The following PHF20L1 variants were observed in gnomAD, a reference collection of about 807,000 sequenced individuals.
The protein encoded by PHF20L1 is PHD finger protein 20-like protein 1.
A neutral mutation model predicts 125.5 loss-of-function variants in PHF20L1; 44 were observed. The observed-to-expected ratio is 0.35, with a 90% CI of 0.28 to 0.45. The LOEUF is 0.45. PHF20L1 is among the 20% of genes least tolerant of loss of function. The probability of loss-of-function intolerance (pLI) is 1.00; values close to 1 mark genes in which losing one functional copy is unlikely to be tolerated. For synonymous variants in PHF20L1, 380 were observed against 403.1 expected (o/e 0.94, Z 0.69); for missense variants, 1,012 against 1,217.2 (o/e 0.83, Z 2.51).
At chr8:132,776,122 G>C (rs1008141078) in intron 1 of PHF20L1, among the ~76,000 whole-genome samples, 3 of 151,964 alleles carry the variant, frequency 2.0e-5, no homozygotes, top group African/African-American at 7.3e-5. Context: ...CCTTGTTTTT[G>C]CTTCAAGTTT....
At chr8:132,813,102 T>G (rs1316690502) in intron 9 of PHF20L1, 1 of 967,968 alleles carries the variant, frequency 1.0e-6, no homozygotes. Context: ...TAAAATCTTG[T>G]TTTATAACTT....
intron 18 of PHF20L1, among the ~76,000 whole-genome samples, chr8:132,840,662 CT>C (rs1837839536): frequency 6.6e-6 from 1 of 152,080 alleles, no homozygotes; most frequent in South Asian, 2.1e-4. Flanking sequence ...ATGAAGCAAG[CT>C]TTTCCATCGC....
At chr8:132,775,727 T>G in intron 1 of PHF20L1, 82 bp downstream of exon 1, 1 of 289,962 alleles carries the variant, frequency 3.4e-6, no homozygotes. Context: ...GGTGTCTCTC[T>G]TTCCGGCCCG....
At chr8:132,777,746 C>G in intron 1 of PHF20L1, 46 bp from the exon 2 acceptor site, 1 of 837,720 alleles carries the variant, frequency 1.2e-6, no homozygotes, top group East Asian at 2.4e-5. Flanking sequence ...ACTCTACTTC[C>G]TATGCATTTT....
intron 6 of PHF20L1, among the ~76,000 whole-genome samples, chr8:132,802,683 T>G (rs1315562888): frequency 6.6e-6 from 1 of 151,854 alleles, no homozygotes. Context: ...GTTGCAATTA[T>G]GAGAGAAAGA....
chr8:132,836,294 A>G (rs1837351182), intron 15 of PHF20L1: 2 of 292,170 alleles, frequency 6.8e-6, no homozygotes, highest in Non-Finnish European at 1.3e-5. Context: ...CATGAAGTCT[A>G]AAAGACACTT....
At chr8:132,784,716 A>G (rs1563780066) in intron 2 of PHF20L1, among the ~76,000 whole-genome samples, 1 of 152,220 alleles carries the variant, frequency 6.6e-6, no homozygotes, top group Non-Finnish European at 1.5e-5. Context: ...TTGGCTCCCA[A>G]TATAGTGATC....
chr8:132,781,658 C>T lies in PHF20L1; in HGVS notation c.83+3747C>T, dbSNP rs191956658. On this transcript the variant is annotated intron_variant, in intron 2 of 20. Transcript: ENST00000395386. ...ATGTTGTCTGGGATAGTCTCCATCT[C>T]TTGACCTTGTGATGTGCCTGCCTCA... Among the ~76,000 whole-genome samples, 199 of 152,282 alleles carry T rather than the reference C, an allele frequency of 1.3e-3. 1 individual carries two copies. The highest frequency in any genetic ancestry group is 0.012 in the Admixed American group (185 of 15,290).
At chr8:132,797,758 CA>C (rs777213911) in intron 4 of PHF20L1, among the ~76,000 whole-genome samples, 154 of 146,366 alleles carry the variant, frequency 1.1e-3, no homozygotes, top group African/African-American at 2.2e-3. Flanking sequence ...TCAGAGTACC[CA>C]AAAAAAAAAA....
intron 9 of PHF20L1, among the ~76,000 whole-genome samples, chr8:132,813,808 A>G (rs895429861): frequency 4.6e-5 from 7 of 152,086 alleles, no homozygotes; most frequent in Non-Finnish European, 8.8e-5. Context: ...TAACATATGT[A>G]GGAAATTTTA....
rs1013633765 is a variant in PHF20L1 at position 132,793,775 on chromosome 8, C to T, written c.84-635C>T. ...ACTGAGCCTTACCATCATTGTTGCT[C>T]TTTATAAAATATTGATAAATACAGA... On this transcript the variant is annotated intron_variant, in intron 2 of 20. Transcript: ENST00000395386. Among the ~76,000 whole-genome samples the T allele has an allele frequency of 2.6e-5, 4 of 152,146 alleles. No homozygotes were observed. The East Asian group carries it at 7.7e-4, about 29-fold the overall frequency.
rs1020279356 is a variant in PHF20L1, at chr8:132,847,837, A to C, written c.*1914A>C. ...GGTAATTGCTTAAATTTACATATCA[A>C]AGTAAAAAAGTAGTGCCTGTATTCC... On this transcript the variant is annotated 3_prime_UTR_variant, in exon 21 of 21. Transcript: ENST00000395386. 6.6e-6 allele frequency: 1 copy of C among 152,494 alleles called. No individual in the cohort carries two copies. The highest frequency in any genetic ancestry group is 1.5e-5 in the Non-Finnish European group (1 of 67,982). 9.4% of individuals were successfully genotyped at this position (152,494 alleles called of 1,614,324 possible).
intron 2 of PHF20L1, among the ~76,000 whole-genome samples, chr8:132,785,111 CAA>C (rs1362370880): frequency 1.3e-5 from 2 of 152,104 alleles, no homozygotes; most frequent in Middle Eastern, 3.2e-3. Context: ...AGGGTTGGAA[CAA>C]GAGAAAAGAC....
At chr8:132,807,816 CT>C in intron 8 of PHF20L1, 1 of 452,500 alleles carries the variant, frequency 2.2e-6, no homozygotes, top group Non-Finnish European at 4.4e-6. Flanking sequence ...TGATATTCTT[CT>C]TTTACCTAAG....
intron 2 of PHF20L1, among the ~76,000 whole-genome samples, chr8:132,785,270 AT>A (rs1453276784): frequency 1.3e-5 from 2 of 152,138 alleles, no homozygotes; most frequent in Non-Finnish European, 2.9e-5. Flanking sequence ...ATAATGGTTT[AT>A]TTTTTAGTTG....
At chr8:132,842,411 C>G in intron 18 of PHF20L1, 104 bp from the exon 19 acceptor site, 3 of 1,001,812 alleles carry the variant, frequency 3.0e-6, no homozygotes, top group South Asian at 3.9e-5. Flanking sequence ...TGTCTTGAGT[C>G]CTAGATGTCC....
intron 17 of PHF20L1, 83 bp from the exon 18 acceptor site, chr8:132,839,304 T>G: frequency 2.5e-5 from 26 of 1,045,996 alleles, no homozygotes; most frequent in Non-Finnish European, 3.6e-5. Context: ...CCTTGCTTAA[T>G]GAGCAACGTT....
rs1838542871 is a variant in PHF20L1 at position 132,848,082 on chromosome 8, A to G, written c.*2159A>G. 6.6e-6 allele frequency: 1 copy of G among 152,038 alleles called. No individual in the cohort carries two copies. Among genetic ancestry groups the G allele is most frequent in the Non-Finnish European group, 1.5e-5 (1 of 67,956 alleles). The allele number at this position is 152,038 out of a possible 1,614,324, so 9.4% of individuals were successfully genotyped here. ...GTCACACACACAGAAGACCCTTTGT[A>G]CCTAGTAACATTCATCCTCTTGATT... On this transcript the variant is annotated 3_prime_UTR_variant, in exon 21 of 21. Transcript: ENST00000395386.
intron 17 of PHF20L1, 156 bp from the exon 18 acceptor site, chr8:132,839,231 C>T: frequency 1.6e-6 from 1 of 615,450 alleles, no homozygotes; most frequent in African/African-American, 1.8e-5. Flanking sequence ...GGAGCTCTTC[C>T]TGCACCAGTT....
Sources: allele counts gnomAD v4.1 joint callset (sites outside exome capture counted in the v4.1 genomes callset), GRCh38; gene constraint gnomAD v4.1.1; transcripts MANE v1.5; gene names NCBI Gene and HGNC (gene_info 2026-07-23, HGNC 2026-07-21).